VIM: variants seen among roughly 807,000 people sequenced by gnomAD.
The protein encoded by VIM is vimentin, also known as epididymis secretory sperm binding protein.
In VIM, 18 loss-of-function variants were observed where a neutral mutation model predicts 50.3. The observed-to-expected ratio is 0.36, with a 90% CI of 0.25 to 0.53. The LOEUF (loss-of-function observed/expected upper bound fraction) is 0.53, where lower values mean the gene tolerates loss of function less well. Ranked by LOEUF, VIM falls within the 20% of genes least tolerant of loss-of-function variation. The probability of loss-of-function intolerance (pLI) is 0.91; values close to 1 mark genes in which losing one functional copy is unlikely to be tolerated. For synonymous variants in VIM, 245 were observed against 248.5 expected, an observed-to-expected ratio of 0.99 and a Z score of 0.13; for missense variants, 551 against 614.7, an observed-to-expected ratio of 0.90 and a Z score of 1.10.
chr10:17,234,967 C>T (rs1249090857), intron 6 of VIM, 149 bp downstream of exon 6: 2 of 1,296,240 alleles, frequency 1.5e-6, no homozygotes, highest in African/African-American at 3.0e-5. Flanking sequence ...TCAAAAGGGA[C>T]TTCATGGAAC....
In VIM at chr10:17,229,891, C is replaced by G. The variant is rs1406458665; in HGVS notation, c.469C>G (p.Leu157Val). 1 of 1,611,780 alleles carries G rather than the reference C, an allele frequency of 6.2e-7. No individual in the cohort carries two copies. Among genetic ancestry groups the G allele is most frequent in the African/African-American group, 1.3e-5 (1 of 74,930 alleles). The part of the protein sequence containing the change: ...GDLYEEEMRE[L>V]RRQVDQLTND... ...CCTCTACGAGGAGGAGATGCGGGAG[C>G]TGCGCCGGCAGGTGGACCAGCTAAC... The change falls in exon 2 of 10, where the codon CTG becomes GTG. Residue 157 changes from leucine to valine, a missense_variant. By Grantham distance (32) the Leu-to-Val change is conservative (BLOSUM62 1). Transcript: ENST00000544301.
intron 2 of VIM, 92 bp downstream of exon 2, chr10:17,230,077 C>T: frequency 2.1e-6 from 3 of 1,446,218 alleles, no homozygotes; most frequent in Non-Finnish European, 2.7e-6. Flanking sequence ...GCTGCCACGC[C>T]CTTGGGGATG....
intron 3 of VIM, 115 bp downstream of exon 3, chr10:17,230,825 G>T (rs1310024588): frequency 2.5e-6 from 3 of 1,196,542 alleles, no homozygotes; most frequent in Non-Finnish European, 3.7e-6. Context: ...AGGGCTGCGC[G>T]TAAAGCCCTC....
At position 17,234,685 on chromosome 10, in the gene VIM, C is replaced by T. The variant is rs750520916; in HGVS notation, c.883-8C>T. 3 of 1,613,736 alleles carry T rather than the reference C, an allele frequency of 1.9e-6. No individual in the cohort carries two copies. Among genetic ancestry groups the T allele is most frequent in the Non-Finnish European group, 2.5e-6 (3 of 1,179,998 alleles). The stretch of plus-strand genomic sequence containing the variant: ...GAGCAATCTACATTTCTGTTTTCTT[C>T]CCAACAGTTTGCTGACCTCTCTGAG... On this transcript the variant is annotated splice_polypyrimidine_tract_variant and splice_region_variant and intron_variant, in intron 5 of 9. Coordinates refer to ENST00000544301, the MANE Select transcript of VIM (RefSeq NM_003380.5).
intron 5 of VIM, 32 bp downstream of exon 5, chr10:17,233,963 A>G: frequency 6.3e-7 from 1 of 1,593,626 alleles, no homozygotes; most frequent in Non-Finnish European, 8.5e-7. Context: ...CTTCAACCAA[A>G]GAAAAGCATT....
At chr10:17,230,903 G>A (rs1357572074) in intron 3 of VIM, 193 bp downstream of exon 3, 2 of 559,470 alleles carry the variant, frequency 3.6e-6, no homozygotes, top group African/African-American at 2.1e-5. Flanking sequence ...CCCCTTGAGC[G>A]ATTTTTTTTT....
At chr10:17,233,741 A>T (rs1462622905) in intron 4 of VIM, 29 bp from the exon 5 acceptor site, 1 of 1,614,194 alleles carries the variant, frequency 6.2e-7, no homozygotes, top group East Asian at 2.2e-5. Context: ...CGGTTGGCAG[A>T]GCTGACCGTC....
chr10:17,236,026 G>A lies in VIM; in HGVS notation c.1273+137G>A, dbSNP rs1002872537. 7.3e-5 allele frequency: 70 copies of A among 962,390 alleles called. 1 individual carries two copies. The highest frequency in any genetic ancestry group is 9.8e-5 in the African/African-American group (6 of 61,008). The allele number at this position is 962,390 out of a possible 1,614,324, so 59.6% of individuals were successfully genotyped here. On this transcript the variant is annotated intron_variant, in intron 8 of 9. Transcript: ENST00000544301. Reference sequence around the variant, plus strand: ...ACTCTATAAAACATCTATAATTTTCGAACCCAAGTACACTCTTGCATTCTA... The same window carrying A: ...ACTCTATAAAACATCTATAATTTTCAAACCCAAGTACACTCTTGCATTCTA...
intron 9 of VIM, 79 bp downstream of exon 9, chr10:17,236,458 A>C: frequency 1.6e-6 from 2 of 1,214,776 alleles, no homozygotes; most frequent in Non-Finnish European, 1.2e-6. Flanking sequence ...TCTGAATCTC[A>C]GATACAGCTG....
chr10:17,229,288 C>A lies in VIM; in HGVS notation c.-135C>A. 2.1e-6 allele frequency: 2 copies of A among 932,798 alleles called. No homozygotes were observed. Among genetic ancestry groups the A allele is most frequent in the Non-Finnish European group, 3.3e-6 (2 of 614,786 alleles). 57.8% of individuals were successfully genotyped at this position (932,798 alleles called of 1,614,324 possible). A position where few individuals can be genotyped will look rare whatever the true frequency, so the allele number is the denominator to read the frequency against. ...CGGCGGGGTCCAGTCCTCTGCCACTCTCGCTCCGAGGTCCCCGCGCCAGAG... is the reference window on the plus strand; with the variant it reads ...CGGCGGGGTCCAGTCCTCTGCCACTATCGCTCCGAGGTCCCCGCGCCAGAG... On this transcript the variant is annotated 5_prime_UTR_variant, in exon 2 of 10. Coordinates refer to ENST00000544301, the MANE Select transcript of VIM (RefSeq NM_003380.5).
rs753896793 is a variant in VIM, at chr10:17,229,947, C to T, written c.525C>T (p.Arg175=). 3.7e-6 allele frequency: 6 copies of T among 1,612,672 alleles called. No individual in the cohort carries two copies. The South Asian group carries it at 6.6e-5, about 18-fold the overall frequency. The change falls in exon 2 of 10, where the codon CGC becomes CGT. Residue 175 remains arginine (R), a synonymous_variant. Transcript: ENST00000544301. ...ACAAAGCCCGCGTCGAGGTGGAGCG[C>T]GACAACCTGGCCGAGGACATCATGC... The part of the protein sequence containing the change: ...TNDKARVEVE[R]DNLAEDIMRL...
chr10:17,230,636 C>T lies in VIM; in HGVS notation c.564-14C>T. The T allele has an allele frequency of 1.2e-6, 2 of 1,613,940 alleles. No individual in the cohort carries two copies. Among genetic ancestry groups the T allele is most frequent in the African/African-American group, 1.3e-5 (1 of 75,066 alleles). The stretch of plus-strand genomic sequence containing the variant: ...TTTCCTCGTTCCCCTTTGGTTAATG[C>T]GCAACTGTTTCAGATTGCAGGAGGA... On this transcript the variant is annotated splice_polypyrimidine_tract_variant and intron_variant, in intron 2 of 9. Transcript: ENST00000544301.
intron 5 of VIM, 120 bp from the exon 6 acceptor site, chr10:17,234,573 T>C: frequency 4.0e-6 from 6 of 1,497,548 alleles, no homozygotes; most frequent in Non-Finnish European, 5.5e-6. Flanking sequence ...TCCCTGGCTT[T>C]CAAAACAGAA....
At chr10:17,233,706 A>C (rs769449481) in intron 4 of VIM, 24 bp downstream of exon 4, 4 of 1,614,142 alleles carry the variant, frequency 2.5e-6, no homozygotes, top group Non-Finnish European at 3.4e-6. Context: ...CTTTCGGGGA[A>C]TGAATGAGGG....
At chr10:17,234,018 C>G (rs957807821) in intron 5 of VIM, 87 bp downstream of exon 5, 5 of 1,533,444 alleles carry the variant, frequency 3.3e-6, no homozygotes, top group Admixed American at 3.9e-5. Flanking sequence ...TAAATATCCT[C>G]TAGCTCCAAT....
intron 2 of VIM, chr10:17,230,323 C>A: frequency 1.8e-6 from 1 of 569,012 alleles, no homozygotes; most frequent in Non-Finnish European, 3.2e-6. Flanking sequence ...GTTTCCTGCC[C>A]CTTCTGGCAG....
Position 17,236,329 on chromosome 10 carries a change from C to A in VIM, c.1309C>A (p.His437Asn). 1 of 1,613,814 alleles carries A rather than the reference C, an allele frequency of 6.2e-7. No individual in the cohort carries two copies. Among genetic ancestry groups the A allele is most frequent in the Non-Finnish European group, 8.5e-7 (1 of 1,179,810 alleles). Reference sequence around the variant, plus strand: ...GGATTCACTCCCTCTGGTTGATACCCACTCAAAAAGGACACTTCTGATTAA... The same window carrying A: ...GGATTCACTCCCTCTGGTTGATACCAACTCAAAAAGGACACTTCTGATTAA... Reference protein sequence around the residue: ...NLDSLPLVDTHSKRTLLIKTV... With the variant: ...NLDSLPLVDTNSKRTLLIKTV... The change falls in exon 9 of 10, where the codon CAC becomes AAC. Residue 437 changes from histidine to asparagine, a missense_variant. By Grantham distance (68) the His-to-Asn change is moderately conservative (BLOSUM62 1). Around this residue, in one of 3 missense-constraint regions of VIM, gnomAD observed 394 missense variants for 437.5 expected, o/e 0.90. Coordinates refer to ENST00000544301, the MANE Select transcript of VIM (RefSeq NM_003380.5).
At chr10:17,230,088 TGGCCGGGGGGA>T (rs1267941202) in intron 2 of VIM, 103 bp downstream of exon 2, 1 of 1,401,066 alleles carries the variant, frequency 7.1e-7, no homozygotes, top group African/African-American at 1.4e-5. Flanking sequence ...CTTGGGGATG[TGGCCGGGGGGA>T]GGCCTGCCAG....
intron 3 of VIM, among the ~76,000 whole-genome samples, chr10:17,231,830 G>T (rs1008938078): frequency 6.7e-6 from 1 of 149,030 alleles, no homozygotes; most frequent in South Asian, 2.1e-4. Context: ...ACTTAAAATT[G>T]GAATCCAAAA....
Sources: gnomAD v4.1 joint callset for allele counts (sites outside exome capture counted in the v4.1 genomes callset) on GRCh38, gnomAD v4.1.1 for gene constraint, gnomAD v4.1.1 regional missense constraint, MANE v1.5 for transcripts, NCBI Gene and HGNC (gene_info 2026-07-23, HGNC 2026-07-21) for gene names.